Variants in VRK2 observed in about 807,000 individuals in gnomAD.
VRK2 encodes the protein VRK serine/threonine kinase 2.
In VRK2, 60 loss-of-function variants were observed where a neutral mutation model predicts 57.6. The ratio of observed to expected loss-of-function variants is 1.04; its 90% confidence interval spans 0.85 to 1.29. The LOEUF is 1.29. Ranked by LOEUF, VRK2 falls within the 50% of genes most tolerant of loss-of-function variation. The pLI is 0.00. For missense variants in VRK2, 705 were observed against 588.1 expected (o/e 1.20, Z -2.06); for synonymous variants, 231 against 199.2 (o/e 1.16, Z -1.35).
intron 7 of VRK2, among the ~76,000 whole-genome samples, chr2:58,098,022 AT>A (rs1673410698): frequency 2.0e-5 from 3 of 151,972 alleles, no homozygotes; most frequent in Non-Finnish European, 4.4e-5. Context: ...TTCCAGGGGG[AT>A]GAGATGTGGC....
intron 7 of VRK2, among the ~76,000 whole-genome samples, chr2:58,116,553 G>A (rs984668727): frequency 1.3e-4 from 20 of 152,080 alleles, no homozygotes; most frequent in Non-Finnish European, 2.5e-4. Context: ...TTGAAAAGAA[G>A]GTAATGTGGA....
At chr2:58,046,643 T>C, upstream of VRK2, 1 of 985,500 alleles carries the variant, frequency 1.0e-6, no homozygotes, top group Non-Finnish European at 1.2e-6. Context: ...CTCCGGGGCG[T>C]GGACAGGCCG....
intron 6 of VRK2, among the ~76,000 whole-genome samples, chr2:58,089,199 G>T (rs1457784487): frequency 6.6e-6 from 1 of 152,158 alleles, no homozygotes. Flanking sequence ...CTTTCCCTTT[G>T]CTCATGGACA....
intron 8 of VRK2, among the ~76,000 whole-genome samples, chr2:58,126,656 G>T (rs942263228): frequency 6.6e-6 from 1 of 151,900 alleles, no homozygotes; most frequent in Non-Finnish European, 1.5e-5. Flanking sequence ...CAATTCTCTT[G>T]TGTGACCTAC....
chr2:58,137,096 A>G (rs530577151), intron 10 of VRK2, among the ~76,000 whole-genome samples: 6 of 126,914 alleles, frequency 4.7e-5, no homozygotes, highest in African/African-American at 1.5e-4. Context: ...ATGTGTATAT[A>G]TCATATATAT....
intron 2 of VRK2, among the ~76,000 whole-genome samples, chr2:58,054,751 A>G (rs1409580105): frequency 6.6e-6 from 1 of 152,200 alleles, no homozygotes; most frequent in Non-Finnish European, 1.5e-5. Flanking sequence ...TATGGTTTTT[A>G]TACTACTTAG....
At chr2:58,082,528 C>G (rs912982962) in intron 2 of VRK2, among the ~76,000 whole-genome samples, 1 of 151,834 alleles carries the variant, frequency 6.6e-6, no homozygotes, top group Non-Finnish European at 1.5e-5. Flanking sequence ...GGAAACCATA[C>G]TAGTAAAATA....
At chr2:57,936,025 T>C (rs1670893233) in intron 1 of VRK2, among the ~76,000 whole-genome samples, 1 of 152,170 alleles carries the variant, frequency 6.6e-6, no homozygotes, top group South Asian at 2.1e-4. Flanking sequence ...GAGAAGGAAG[T>C]GATGGTAGGA....
chr2:57,917,255 C>T (rs1195595377), intron 1 of VRK2, among the ~76,000 whole-genome samples: 2 of 151,972 alleles, frequency 1.3e-5, no homozygotes, highest in African/African-American at 2.4e-5. Flanking sequence ...TAGCACTAGA[C>T]CTACTCACTC....
chr2:57,980,788 C>T (rs940197470), intron 1 of VRK2, among the ~76,000 whole-genome samples: 18 of 152,068 alleles, frequency 1.2e-4, no homozygotes, highest in Admixed American at 1.2e-3. Flanking sequence ...ACATAATGCC[C>T]TTCTTTGTCC....
chr2:58,012,741 T>G (rs1048321707), intron 1 of VRK2, among the ~76,000 whole-genome samples: 7 of 152,184 alleles, frequency 4.6e-5, no homozygotes, highest in Non-Finnish European at 7.4e-5. Context: ...TCCAAAGAAT[T>G]TAGACACTCT....
intron 1 of VRK2, among the ~76,000 whole-genome samples, chr2:58,018,608 A>G (rs1673656830): frequency 6.6e-6 from 1 of 152,240 alleles, no homozygotes; most frequent in Admixed American, 6.5e-5. Context: ...CAGGCTAGCT[A>G]AGAATACATC....
chr2:58,043,584 T>C (rs945612235), upstream of VRK2, among the ~76,000 whole-genome samples: 62 of 152,328 alleles, frequency 4.1e-4, 1 homozygote, highest in African/African-American at 1.3e-3. Context: ...CTCCTTTTTA[T>C]TGCTGAGTGA....
intron 12 of VRK2, among the ~76,000 whole-genome samples, chr2:58,152,870 A>T (rs1683269942): frequency 6.6e-6 from 1 of 152,004 alleles, no homozygotes; most frequent in Non-Finnish European, 1.5e-5. Context: ...ATATAATTTT[A>T]CAAAGCAGGA....
At chr2:58,055,439 C>T (rs1676373775) in intron 2 of VRK2, among the ~76,000 whole-genome samples, 1 of 152,218 alleles carries the variant, frequency 6.6e-6, no homozygotes, top group South Asian at 2.1e-4. Flanking sequence ...CAAACAGCAG[C>T]TCCTGTGGCT....
chr2:57,994,766 T>A (rs78769271), intron 1 of VRK2, among the ~76,000 whole-genome samples: 1,526 of 152,294 alleles, frequency 0.01, 28 homozygotes, highest in African/African-American at 0.035. Context: ...AAAAACATTT[T>A]TTAGTTCACT....
chr2:58,073,708 T>G (rs746481793), intron 2 of VRK2, among the ~76,000 whole-genome samples: 2 of 150,614 alleles, frequency 1.3e-5, no homozygotes, highest in Admixed American at 6.6e-5. Flanking sequence ...AAAGGAGTAT[T>G]AAACTCACAT....
intron 1 of VRK2, among the ~76,000 whole-genome samples, chr2:58,012,396 A>G (rs1272214015): frequency 6.6e-6 from 1 of 152,196 alleles, no homozygotes; most frequent in East Asian, 1.9e-4. Flanking sequence ...CTTTCCTGTA[A>G]CATGAGCACC....
At chr2:58,149,333 T>G (rs1037217260) in intron 12 of VRK2, among the ~76,000 whole-genome samples, 1 of 151,762 alleles carries the variant, frequency 6.6e-6, no homozygotes, top group African/African-American at 2.4e-5. Context: ...GAAATAGAAT[T>G]TATTTTCTAT....
Sources: allele counts gnomAD v4.1 joint callset (sites outside exome capture counted in the v4.1 genomes callset), GRCh38; gene constraint gnomAD v4.1.1; transcripts MANE v1.5; gene names NCBI Gene and HGNC (gene_info 2026-07-23, HGNC 2026-07-21).